Variants in ITPRID1 observed in about 807,000 individuals in gnomAD.
The protein encoded by ITPRID1 is ITPR interacting domain containing 1.
Under a neutral mutation model 95.4 loss-of-function variants are expected in ITPRID1, and 96 were observed. The ratio of observed to expected loss-of-function variants is 1.01; its 90% CI spans 0.85 to 1.19. ITPRID1 has a LOEUF of 1.19. Among genes scored for constraint, ITPRID1 ranks in the 50% most tolerant of loss-of-function variants. The pLI is 0.00. For missense variants in ITPRID1, 1,339 were observed against 1,252.9 expected (o/e 1.07, Z -1.04); for synonymous variants, 510 against 453.6 (o/e 1.12, Z -1.58).
intron 1 of ITPRID1, among the ~76,000 whole-genome samples, chr7:31,544,008 T>C (rs1277631435): frequency 6.6e-6 from 1 of 151,880 alleles, no homozygotes; most frequent in Admixed American, 6.6e-5. Context: ...GATGATCTTT[T>C]CTCCATTGTA....
At position 31,642,234 on chromosome 7, in the gene ITPRID1, G is replaced by A; in HGVS notation, c.1287G>A (p.Glu429=). 6.4e-7 allele frequency: 1 copy of A among 1,556,772 alleles called. No homozygotes were observed. Among genetic ancestry groups the A allele is most frequent in the East Asian group, 2.4e-5 (1 of 41,454 alleles). ...CTGACAGCAGCGGGTTCCTGGAGGA[G>A]CCGCTGGAACCGCTGCCCCTCCAGG... ...CQSDSSGFLE[E]PLEPLPLQMP... The change falls in exon 11 of 15, where the codon GAG becomes GAA. Residue 429 remains glutamate, a synonymous_variant. Coordinates refer to ENST00000615280, the MANE Select transcript of ITPRID1 (RefSeq NM_001257967.3).
At chr7:31,550,522 C>G (rs1328286248) in intron 2 of ITPRID1, among the ~76,000 whole-genome samples, 2 of 152,178 alleles carry the variant, frequency 1.3e-5, no homozygotes, top group African/African-American at 2.4e-5. Context: ...ACCACCTGAT[C>G]TGTGTCCCTT....
chr7:31,627,508 A>G (rs553437241), intron 10 of ITPRID1, among the ~76,000 whole-genome samples: 1 of 152,160 alleles, frequency 6.6e-6, no homozygotes, highest in Non-Finnish European at 1.5e-5. Context: ...AAAATAAAAA[A>G]TTAGTCCAAT....
At chr7:31,577,572 A>C (rs1785230091) in intron 8 of ITPRID1, among the ~76,000 whole-genome samples, 1 of 152,214 alleles carries the variant, frequency 6.6e-6, no homozygotes, top group African/African-American at 2.4e-5. Context: ...TACCGTTTTT[A>C]ATACCTAACA....
chr7:31,572,764 G>C (rs1366153026), intron 7 of ITPRID1, among the ~76,000 whole-genome samples: 2 of 152,060 alleles, frequency 1.3e-5, no homozygotes, highest in East Asian at 3.9e-4. Flanking sequence ...AAAAGTTAAT[G>C]ATATTTTCAT....
intron 10 of ITPRID1, among the ~76,000 whole-genome samples, chr7:31,622,250 C>G (rs1042577707): frequency 1.3e-5 from 2 of 148,808 alleles, no homozygotes; most frequent in South Asian, 2.2e-4. Context: ...CTGCACCAAG[C>G]GGACCTAATA....
chr7:31,570,411 T>C (rs1784944692), intron 6 of ITPRID1, among the ~76,000 whole-genome samples: 1 of 152,186 alleles, frequency 6.6e-6, no homozygotes. Context: ...TCAGCCACAC[T>C]CTTTTAAAAA....
chr7:31,590,032 T>G (rs946008721), intron 10 of ITPRID1, among the ~76,000 whole-genome samples: 5 of 151,982 alleles, frequency 3.3e-5, no homozygotes, highest in Non-Finnish European at 7.4e-5. Context: ...TAACAAAAAT[T>G]TATATACATA....
intron 1 of ITPRID1, among the ~76,000 whole-genome samples, chr7:31,534,164 C>T (rs1243282841): frequency 6.6e-6 from 1 of 152,208 alleles, no homozygotes; most frequent in African/African-American, 2.4e-5. Flanking sequence ...CCACAACCCT[C>T]CTTCCAGTGG....
Position 31,578,010 on chromosome 7 carries a change from A to G in ITPRID1, c.746A>G (p.His249Arg), listed in dbSNP as rs1303141399. The change falls in exon 9 of 15, where the codon CAT becomes CGT. Residue 249 changes from histidine (H) to arginine (R), a missense_variant. Physicochemically the swap from His to Arg is conservative, Grantham distance 29. Coordinates refer to ENST00000615280, the MANE Select transcript of ITPRID1 (RefSeq NM_001257967.3). ...ACCTCAGTGAGTGCCGCCAAAGAGC[A>G]TCGAAGAAGAATGGGTAAACTCTTA... ...QRTSVSAAKE[H>R]RRRMGKLLRR... The G allele has an allele frequency of 3.1e-6, 5 of 1,613,734 alleles. No homozygotes were observed. Among genetic ancestry groups the G allele is most frequent in the African/African-American group, 1.3e-5 (1 of 74,898 alleles).
intron 10 of ITPRID1, among the ~76,000 whole-genome samples, chr7:31,641,328 A>G (rs531908684): frequency 3.9e-5 from 6 of 152,080 alleles, no homozygotes; most frequent in Non-Finnish European, 8.8e-5. Context: ...CACTTCCCAC[A>G]CACATACCTA....
At chr7:31,647,719 C>T (rs549701457) in intron 12 of ITPRID1, among the ~76,000 whole-genome samples, 2 of 141,220 alleles carry the variant, frequency 1.4e-5, no homozygotes, top group East Asian at 4.2e-4. Context: ...AAGACGATGA[C>T]GACAACGACG....
At chr7:31,657,795 C>T (rs111855664), downstream of ITPRID1, among the ~76,000 whole-genome samples, 1 of 151,978 alleles carries the variant, frequency 6.6e-6, no homozygotes, top group African/African-American at 2.4e-5. Flanking sequence ...AAAGTTAGCA[C>T]AGCAAAACTT....
At chr7:31,658,452 T>C (rs1791392779), downstream of ITPRID1, 3 of 1,380,474 alleles carry the variant, frequency 2.2e-6, no homozygotes, top group South Asian at 1.8e-5. Context: ...TCGAACAAAA[T>C]AGAACATTTG....
intron 9 of ITPRID1, among the ~76,000 whole-genome samples, chr7:31,580,032 C>T (rs1429159460): frequency 6.6e-6 from 1 of 152,074 alleles, no homozygotes; most frequent in East Asian, 1.9e-4. Context: ...GGTGCAGTGG[C>T]TCACACCTGT....
At chr7:31,548,750 G>A (rs1784184121) in intron 1 of ITPRID1, among the ~76,000 whole-genome samples, 1 of 152,138 alleles carries the variant, frequency 6.6e-6, no homozygotes, top group African/African-American at 2.4e-5. Flanking sequence ...CTCAGGACTG[G>A]TCTCTTAGTT....
intron 1 of ITPRID1, among the ~76,000 whole-genome samples, chr7:31,529,277 G>A (rs1225166153): frequency 1.3e-5 from 2 of 152,184 alleles, no homozygotes; most frequent in South Asian, 2.1e-4. Context: ...GGTTTGCAAT[G>A]CAAATCATTG....
At position 31,653,091 on chromosome 7, in the gene ITPRID1, A is replaced by G. The variant is rs1773096357; in HGVS notation, c.*262A>G. 2 of 759,242 alleles carry G rather than the reference A, an allele frequency of 2.6e-6. No homozygotes were observed. Among genetic ancestry groups the G allele is most frequent in the Admixed American group, 3.5e-5 (1 of 28,516 alleles). 47.0% of individuals were successfully genotyped at this position (759,242 alleles called of 1,614,324 possible). ...AGTATACGGTCTCTGCCCTGCTAGA[A>G]CTTACAGTGTAGTGGGGGAGATAGA... On this transcript the variant is annotated 3_prime_UTR_variant, in exon 15 of 15. Coordinates refer to ENST00000615280, the MANE Select transcript of ITPRID1 (RefSeq NM_001257967.3).
rs921503260 is a variant in ITPRID1, at chr7:31,640,850, G to C, written c.1229-1326G>C. On this transcript the variant is annotated intron_variant, in intron 10 of 14. Coordinates refer to ENST00000615280, the MANE Select transcript of ITPRID1 (RefSeq NM_001257967.3). ...ATGCATTCTCAAAATTTTGCTCAAAGTTTCTCAATCTCTCTAGGATTGAGC... is the reference window on the plus strand; with the variant it reads ...ATGCATTCTCAAAATTTTGCTCAAACTTTCTCAATCTCTCTAGGATTGAGC... 2.0e-5 allele frequency among the ~76,000 whole-genome samples: 3 copies of C among 152,086 alleles called. No individual in the cohort carries two copies. The South Asian group carries it at 6.2e-4, about 32-fold the overall frequency.
Sources: allele counts gnomAD v4.1 joint callset (sites outside exome capture counted in the v4.1 genomes callset), GRCh38; gene constraint gnomAD v4.1.1; transcripts MANE v1.5; gene names NCBI Gene and HGNC (gene_info 2026-07-23, HGNC 2026-07-21).